Variants in RBPJ observed in about 807,000 individuals in gnomAD.
The protein encoded by RBPJ is recombining binding protein suppressor of hairless.
A neutral mutation model predicts 67.8 loss-of-function variants in RBPJ; 9 were observed. The ratio of observed to expected loss-of-function variants is 0.13; its 90% CI spans 0.08 to 0.23. The LOEUF (loss-of-function observed/expected upper bound fraction) is 0.23, where lower values mean the gene tolerates loss of function less well. Ranked by LOEUF, RBPJ falls within the 10% of genes least tolerant of loss-of-function variation. The pLI is 1.00. For missense variants in RBPJ, 305 were observed against 595.6 expected, an observed-to-expected ratio of 0.51 and a Z score of 5.08; for synonymous variants, 198 against 203.3, an observed-to-expected ratio of 0.97 and a Z score of 0.22.
chr4:26,315,977 C>T (rs1310118868), upstream of RBPJ, among the ~76,000 whole-genome samples: 1 of 152,014 alleles, frequency 6.6e-6, no homozygotes, highest in South Asian at 2.1e-4. Flanking sequence ...TCCCTAAAAT[C>T]GTTGTTATTC....
At chr4:26,293,319 T>A (rs1375195831) in intron 1 of RBPJ, among the ~76,000 whole-genome samples, 7 of 150,184 alleles carry the variant, frequency 4.7e-5, no homozygotes, top group Admixed American at 4.0e-4. Context: ...CCTTTTTTTT[T>A]TTATTTTGTT....
chr4:26,426,556 C>T (rs902532835), intron 7 of RBPJ, among the ~76,000 whole-genome samples: 3 of 152,128 alleles, frequency 2.0e-5, no homozygotes, highest in South Asian at 2.1e-4. Flanking sequence ...GAGTGCCTCT[C>T]GTCATTGAGT....
At chr4:26,337,128 ATT>A (rs59549393) in intron 1 of RBPJ, among the ~76,000 whole-genome samples, 54 of 134,736 alleles carry the variant, frequency 4.0e-4, no homozygotes, top group African/African-American at 1.0e-3. Flanking sequence ...TGCCCAGCTA[ATT>A]TTTTTTTTTT....
chr4:26,335,682 C>T (rs961089984), intron 1 of RBPJ, among the ~76,000 whole-genome samples: 2 of 143,984 alleles, frequency 1.4e-5, no homozygotes, highest in Non-Finnish European at 3.0e-5. Flanking sequence ...TGCAGTGCTA[C>T]GATCTCGGCT....
chr4:26,345,350 T>C (rs7661241), intron 1 of RBPJ, among the ~76,000 whole-genome samples: 2,807 of 152,312 alleles, frequency 0.018, 96 homozygotes, highest in African/African-American at 0.063. Context: ...TTTCCTCTCT[T>C]GGGATTTCCC....
chr4:26,142,997 G>T, the RBPJ span, among the ~76,000 whole-genome samples: 1 of 152,164 alleles, frequency 6.6e-6, no homozygotes, highest in Non-Finnish European at 1.5e-5. Context: ...GGCCAGGCTG[G>T]TCTCAAACTC....
At chr4:26,282,134 CTCTTTT>C (rs138770183) in intron 1 of RBPJ, among the ~76,000 whole-genome samples, 56,491 of 126,262 alleles carry the variant, frequency 0.45, 11,694 homozygotes, top group East Asian at 0.54. Context: ...CTCTCTCTCT[CTCTTTT>C]TTTTTTTTTT....
the RBPJ span, among the ~76,000 whole-genome samples, chr4:26,109,708 C>CCTCTCTCTCTCTCTCTCTCTGTCTCT: frequency 2.0e-5 from 1 of 49,410 alleles, no homozygotes; most frequent in Non-Finnish European, 4.2e-5. Context: ...TGTCCACCTT[C>CCTCTCTCTCTCTCTCTCTCTGTCTCT]CTCTCTCTCT....
intron 2 of RBPJ, among the ~76,000 whole-genome samples, chr4:26,387,625 G>T (rs568000917): frequency 6.6e-6 from 1 of 152,278 alleles, no homozygotes; most frequent in East Asian, 1.9e-4. Context: ...GCTGCAAAGT[G>T]GAGAGGAATT....
At chr4:26,164,917 G>A (rs1052067238) in intron 1 of RBPJ, among the ~76,000 whole-genome samples, 13 of 152,046 alleles carry the variant, frequency 8.6e-5, no homozygotes, top group African/African-American at 2.9e-4. Flanking sequence ...AGCTCAGAAA[G>A]GATTTAACTA....
At chr4:26,416,878 A>G (rs1734648485) in intron 4 of RBPJ, among the ~76,000 whole-genome samples, 1 of 152,236 alleles carries the variant, frequency 6.6e-6, no homozygotes, top group African/African-American at 2.4e-5. Flanking sequence ...TGTCATTTAT[A>G]TCTTTATAGT....
At chr4:26,232,797 C>G (rs972168267) in intron 1 of RBPJ, among the ~76,000 whole-genome samples, 1 of 152,228 alleles carries the variant, frequency 6.6e-6, no homozygotes, top group Admixed American at 6.5e-5. Flanking sequence ...GCTTGGATCT[C>G]TCTGTGCTTC....
chr4:26,314,605 C>T (rs768746633), intron 1 of RBPJ, among the ~76,000 whole-genome samples: 26 of 152,014 alleles, frequency 1.7e-4, no homozygotes, highest in African/African-American at 5.3e-4. Context: ...CTCCCTTCCC[C>T]GCCTTGGTCC....
chr4:26,385,073 T>C (rs1002442347), intron 1 of RBPJ, among the ~76,000 whole-genome samples: 1 of 145,032 alleles, frequency 6.9e-6, no homozygotes, highest in Admixed American at 7.1e-5. Flanking sequence ...CATGCTGGAG[T>C]GCAGTGGCGT....
intron 1 of RBPJ, among the ~76,000 whole-genome samples, chr4:26,247,860 C>A (rs1719979467): frequency 6.6e-6 from 1 of 152,032 alleles, no homozygotes; most frequent in African/African-American, 2.4e-5. Context: ...GGAAGGAGTG[C>A]AATAGTTGGG....
chr4:26,381,419 AT>A (rs1730320490), intron 1 of RBPJ, among the ~76,000 whole-genome samples: 1 of 152,062 alleles, frequency 6.6e-6, no homozygotes, highest in Non-Finnish European at 1.5e-5. Flanking sequence ...ATGTTTAACG[AT>A]AGATTGCAGC....
At chr4:26,279,455 A>C (rs967420752) in intron 1 of RBPJ, among the ~76,000 whole-genome samples, 2 of 151,738 alleles carry the variant, frequency 1.3e-5, no homozygotes, top group African/African-American at 4.8e-5. Flanking sequence ...TAATTTTTGT[A>C]TTTTTAGAGA....
rs190464065 is a variant in RBPJ at position 26,329,292 on chromosome 4, G to A, written c.20+8244G>A. Among the ~76,000 whole-genome samples, 33 of 152,134 alleles carry A rather than the reference G, an allele frequency of 2.2e-4. 1 individual carries two copies. The highest frequency in any genetic ancestry group is 7.7e-4 in the African/African-American group (32 of 41,520). ...ACAGGCATGAGCCACCGTTCCTGGC[G>A]GCATTGAGGGTTTTAAGATGAGGTA... On this transcript the variant is annotated intron_variant, in intron 1 of 10. Transcript: ENST00000355476.
intron 1 of RBPJ, among the ~76,000 whole-genome samples, chr4:26,312,502 T>A (rs534690779): frequency 6.6e-6 from 1 of 152,126 alleles, no homozygotes; most frequent in African/African-American, 2.4e-5. Context: ...CCACCTGGAG[T>A]TCCCCTGAAT....
Sources: gnomAD v4.1 joint callset for allele counts (sites outside exome capture counted in the v4.1 genomes callset) on GRCh38, gnomAD v4.1.1 for gene constraint, MANE v1.5 for transcripts, NCBI Gene and HGNC (gene_info 2026-07-23, HGNC 2026-07-21) for gene names.